The following DIP2C variants were observed in gnomAD, a reference collection of about 807,000 sequenced individuals.
DIP2C encodes disco-interacting protein 2 homolog C.
A neutral mutation model predicts 192.4 loss-of-function variants in DIP2C; 33 were observed. The observed-to-expected ratio is 0.17, with a 90% CI of 0.13 to 0.23. The LOEUF (loss-of-function observed/expected upper bound fraction) is 0.23, where lower values mean the gene tolerates loss of function less well. DIP2C is among the 10% of genes least tolerant of loss of function. The pLI is 1.00. For synonymous variants in DIP2C, 979 were observed against 864.1 expected, an observed-to-expected ratio of 1.13 and a Z score of -2.33; for missense variants, 1,537 against 2,110.1, an observed-to-expected ratio of 0.73 and a Z score of 5.32.
chr10:447,399 G>A (rs566067639), intron 3 of DIP2C, among the ~76,000 whole-genome samples: 2 of 150,482 alleles, frequency 1.3e-5, no homozygotes, highest in African/African-American at 4.9e-5. Flanking sequence ...ACACACAGTG[G>A]GGCAGCAGGA....
intron 1 of DIP2C, among the ~76,000 whole-genome samples, chr10:495,428 G>A (rs1022731671): frequency 6.6e-6 from 1 of 152,100 alleles, no homozygotes; most frequent in Admixed American, 6.6e-5. Context: ...TTAACTACAA[G>A]GTGAGGAATG....
chr10:325,339 A>C (rs561545132), intron 31 of DIP2C, among the ~76,000 whole-genome samples: 54 of 152,266 alleles, frequency 3.5e-4, no homozygotes, highest in Non-Finnish European at 6.3e-4. Context: ...AGAGGAAAAT[A>C]AATGTATGTA....
chr10:298,541 C>T (rs997447776), intron 32 of DIP2C, among the ~76,000 whole-genome samples: 28 of 152,170 alleles, frequency 1.8e-4, no homozygotes, highest in African/African-American at 6.3e-4. Context: ...TTTTGAGATG[C>T]GACACTGCTG....
At chr10:549,111 A>C (rs1848459363) in intron 1 of DIP2C, among the ~76,000 whole-genome samples, 2 of 152,196 alleles carry the variant, frequency 1.3e-5, no homozygotes, top group African/African-American at 4.8e-5. Flanking sequence ...CAAGCAGCTC[A>C]TCAAGGAATC....
At chr10:498,039 CA>C (rs1564790746) in intron 1 of DIP2C, among the ~76,000 whole-genome samples, 1 of 151,730 alleles carries the variant, frequency 6.6e-6, no homozygotes, top group Non-Finnish European at 1.5e-5. Context: ...ACCCGGCTAA[CA>C]GTGTATTTTT....
chr10:406,291 A>C (rs1223174058), intron 9 of DIP2C, among the ~76,000 whole-genome samples: 1 of 152,250 alleles, frequency 6.6e-6, no homozygotes, highest in Non-Finnish European at 1.5e-5. Flanking sequence ...AGTAGCATGA[A>C]GCACAATCAC....
At chr10:614,188 G>C (rs778878520) in intron 1 of DIP2C, among the ~76,000 whole-genome samples, 1 of 152,184 alleles carries the variant, frequency 6.6e-6, no homozygotes, top group Non-Finnish European at 1.5e-5. Context: ...TGGGTTCCAC[G>C]GTGGCTAGGA....
chr10:469,625 T>A (rs1015272378), intron 3 of DIP2C, among the ~76,000 whole-genome samples: 2 of 152,134 alleles, frequency 1.3e-5, no homozygotes, highest in Non-Finnish European at 1.5e-5. Flanking sequence ...CCCTGACAGA[T>A]ATCTCTTAAG....
chr10:512,437 C>T (rs816580), intron 1 of DIP2C, among the ~76,000 whole-genome samples: 144,798 of 152,220 alleles, frequency 0.95, 69,281 homozygotes, highest in Non-Finnish European at 1. Context: ...ATTAGCTGGG[C>T]GTGGTGATAT....
At chr10:308,151 C>T (rs1282704900) in intron 32 of DIP2C, among the ~76,000 whole-genome samples, 2 of 152,236 alleles carry the variant, frequency 1.3e-5, no homozygotes, top group Middle Eastern at 3.2e-3. Flanking sequence ...TACAGCCAGA[C>T]TTTGCTTTCC....
chr10:568,800 C>CAAAAAAAA lies in DIP2C; in HGVS notation c.86-82271_86-82270insTTTTTTTT, dbSNP rs1554739052. ...AAAAAAAAAAAAAAAAAAAAAAAAC[C>CAAAAAAAA]TTCACTTGATCTGCAAGATGGCTGT... is the stretch of plus-strand genomic sequence containing the variant. On this transcript the variant is annotated intron_variant, in intron 1 of 36. Coordinates refer to ENST00000280886, the MANE Select transcript of DIP2C (RefSeq NM_014974.3). Among the ~76,000 whole-genome samples the CAAAAAAAA allele has an allele frequency of 1.3e-3, 12 of 9,538 alleles. 1 individual carries two copies. The highest frequency in any genetic ancestry group is 3.9e-3 in the South Asian group (1 of 254). 6.3% of individuals were successfully genotyped at this position (9,538 alleles called of 152,430 possible). A position where few individuals can be genotyped will look rare whatever the true frequency, so the allele number is the denominator to read the frequency against.
intron 9 of DIP2C, among the ~76,000 whole-genome samples, chr10:406,736 CATGA>C (rs2133060654): frequency 6.6e-6 from 1 of 152,234 alleles, no homozygotes; most frequent in African/African-American, 2.4e-5. Context: ...GAAATTACTG[CATGA>C]CCCTAAAGGG....
intron 1 of DIP2C, among the ~76,000 whole-genome samples, chr10:536,075 C>G (rs1055768857): frequency 6.6e-6 from 1 of 152,188 alleles, no homozygotes; most frequent in African/African-American, 2.4e-5. Context: ...TTGATTCTCT[C>G]CCAGTCTGGG....
intron 1 of DIP2C, among the ~76,000 whole-genome samples, chr10:659,699 C>T (rs1856637702): frequency 6.6e-6 from 1 of 152,266 alleles, no homozygotes. Context: ...AATGAATATA[C>T]TCGTTCTTTT....
At chr10:539,975 C>CA (rs1238023191) in intron 1 of DIP2C, among the ~76,000 whole-genome samples, 2 of 152,062 alleles carry the variant, frequency 1.3e-5, no homozygotes, top group East Asian at 3.8e-4. Flanking sequence ...ACAAGATGAT[C>CA]AAAAAAGCCA....
intron 1 of DIP2C, among the ~76,000 whole-genome samples, chr10:496,070 AGTG>A: frequency 7.1e-6 from 1 of 141,268 alleles, no homozygotes; most frequent in South Asian, 2.2e-4. Context: ...AAACAACTTG[AGTG>A]CTGAGTACAC....
intron 1 of DIP2C, among the ~76,000 whole-genome samples, chr10:607,676 T>A (rs945370496): frequency 6.6e-6 from 1 of 152,160 alleles, no homozygotes; most frequent in Admixed American, 6.5e-5. Context: ...GCAATGAGTG[T>A]GACTAGTTCA....
intron 1 of DIP2C, among the ~76,000 whole-genome samples, chr10:513,579 A>G (rs551573433): frequency 1.6e-3 from 242 of 152,212 alleles, no homozygotes; most frequent in African/African-American, 5.6e-3. Context: ...ACTGCGCCAC[A>G]CTGCAGCCTG....
intron 1 of DIP2C, among the ~76,000 whole-genome samples, chr10:577,580 C>T (rs932074241): frequency 2.0e-5 from 3 of 152,206 alleles, no homozygotes; most frequent in Admixed American, 6.5e-5. Flanking sequence ...CTCAGAGGAA[C>T]GCATGATGGG....
Sources: allele counts gnomAD v4.1 joint callset (sites outside exome capture counted in the v4.1 genomes callset), GRCh38; gene constraint gnomAD v4.1.1; transcripts MANE v1.5; gene names NCBI Gene and HGNC (gene_info 2026-07-23, HGNC 2026-07-21).